Variants in LAMA5 observed in about 807,000 individuals in gnomAD.
LAMA5 encodes laminin subunit alpha-5.
In LAMA5, 260 loss-of-function variants were observed where a neutral mutation model predicts 433.4. The ratio of observed to expected loss-of-function variants is 0.60; its 90% CI spans 0.54 to 0.66. LAMA5 has a LOEUF of 0.66. Ranked by LOEUF, LAMA5 falls within the 30% of genes least tolerant of loss-of-function variation. The probability of loss-of-function intolerance (pLI) is 0.00; values close to 1 mark genes in which losing one functional copy is unlikely to be tolerated. For synonymous variants in LAMA5, 2,620 were observed against 2,226.6 expected, an observed-to-expected ratio of 1.18 and a Z score of -4.97; for missense variants, 5,378 against 5,258.5, an observed-to-expected ratio of 1.02 and a Z score of -0.70.
chr20:62,334,730 G>GTCAGGGT lies in LAMA5; in HGVS notation c.2483-110_2483-109insACCCTGA, dbSNP rs1555879627. 6.5e-6 allele frequency: 4 copies of GTCAGGGT among 611,038 alleles called. No homozygotes were observed. In the East Asian group the frequency reaches 8.4e-5, roughly 13 times the overall value. The allele number at this position is 611,038 out of a possible 1,614,324, so 37.9% of individuals were successfully genotyped here. ...CCTGGGGCTCTCTGGATGATGGAGA[G>GTCAGGGT]TCAGGGCTCAGGGCTCAGGGCTCAG... On this transcript the variant is annotated intron_variant, in intron 20 of 79. Coordinates refer to ENST00000252999, the MANE Select transcript of LAMA5 (RefSeq NM_005560.6).
intron 11 of LAMA5, among the ~76,000 whole-genome samples, chr20:62,343,692 C>G (rs1185945970): frequency 7.4e-6 from 1 of 135,582 alleles, no homozygotes; most frequent in Non-Finnish European, 1.5e-5. Context: ...AGGAGAATCA[C>G]TTGAACTCGG....
intron 10 of LAMA5, 30 bp downstream of exon 10, chr20:62,346,051 T>C: frequency 6.2e-7 from 1 of 1,610,856 alleles, no homozygotes; most frequent in East Asian, 2.2e-5. Flanking sequence ...GGCAGTGGTG[T>C]CTGTTTGGAT....
Position 62,317,401 on chromosome 20 carries a change from C to T in LAMA5, c.7455G>A (p.Val2485=), listed in dbSNP as rs1987063494. 2 of 1,609,986 alleles carry T rather than the reference C, an allele frequency of 1.2e-6. No homozygotes were observed. The highest frequency in any genetic ancestry group is 4.5e-5 in the East Asian group (2 of 44,814). The change falls in exon 55 of 80, where the codon GTG becomes GTA. Residue 2485 remains valine, a synonymous_variant. Transcript: ENST00000252999. The part of the protein sequence containing the change: ...FSPAGSKLRL[V]EAAEAHAQQL... ...GCTGTGCGTGGGCCTCGGCGGCCTC[C>T]ACTAGACGCAGCTTGCTGCCCGCCG...
In LAMA5 at chr20:62,347,028, C is replaced by T; in HGVS notation, c.957G>A (p.Arg319=). ...CDAKDPTDPF[R]LQCTCQHNTC... ...TGTTGTGCTGGCAGGTGCACTGCAG[C>T]CTGTGGGGTACACAGGAGGGGGGAT... The change falls in exon 7 of 80, where the codon AGG becomes AGA. Residue 319 remains arginine, a splice_region_variant and synonymous_variant. Coordinates refer to ENST00000252999, the MANE Select transcript of LAMA5 (RefSeq NM_005560.6). The T allele has an allele frequency of 6.2e-7, 1 of 1,610,056 alleles. No individual in the cohort carries two copies. Among genetic ancestry groups the T allele is most frequent in the Non-Finnish European group, 8.5e-7 (1 of 1,179,128 alleles).
rs1398723970 is a variant in LAMA5 at position 62,329,881 on chromosome 20, C to T, written c.4015G>A (p.Gly1339Ser). ...TCACACACCACCAGGGTGCGGCAGC[C>T]GTAGCCATGTGGACAGAAGCTGGCG... ...ANASFCPHGY[G>S]CRTLVVCEGQ... The change falls in exon 32 of 80, where the codon GGC (glycine) becomes AGC (serine). Residue 1339 changes from glycine (G) to serine (S), a missense_variant. Transcript: ENST00000252999. 4 of 1,611,972 alleles carry T rather than the reference C, an allele frequency of 2.5e-6. No homozygotes were observed. The highest frequency in any genetic ancestry group is 2.2e-5 in the South Asian group (2 of 91,024).
In LAMA5 at chr20:62,317,670, C is replaced by T; in HGVS notation, c.7348G>A (p.Ala2450Thr). ...CCAGGGGCTGCACTCACCTCCTTAG[C>T]CTGGTCCAGGCTGTGCAGCAATCTG... ...VFRLLHSLDQ[A>T]KEELERLAAS... is the part of the protein sequence containing the mutation. Residue 2450 changes from alanine (A) to threonine (T), a missense_variant, in exon 54 of 80, where the codon GCT (alanine) becomes ACT (threonine). By Grantham distance (58) the Ala-to-Thr change is moderately conservative. Transcript: ENST00000252999. The T allele has an allele frequency of 6.3e-7, 1 of 1,586,114 alleles. No homozygotes were observed. The highest frequency in any genetic ancestry group is 8.6e-7 in the Non-Finnish European group (1 of 1,167,204).
chr20:62,322,592 C>G (rs1242893071), intron 46 of LAMA5, 66 bp downstream of exon 46: 1 of 1,437,718 alleles, frequency 7.0e-7, no homozygotes, highest in African/African-American at 1.4e-5. Flanking sequence ...CTATCAGATT[C>G]TCCCCAGGCC....
chr20:62,351,840 C>G, intron 5 of LAMA5, 39 bp from the exon 6 acceptor site: 22 of 1,582,922 alleles, frequency 1.4e-5, no homozygotes, highest in Non-Finnish European at 1.9e-5. Context: ...GCGGCCAGGC[C>G]TCACTCACCC....
chr20:62,313,033 G>T, intron 65 of LAMA5, 23 bp from the exon 66 acceptor site: 1 of 1,593,882 alleles, frequency 6.3e-7, no homozygotes, highest in Non-Finnish European at 8.6e-7. Context: ...GGCAGGGTTA[G>T]TGTGGGGCAG....
chr20:62,348,321 T>C (rs1024417397), intron 6 of LAMA5, among the ~76,000 whole-genome samples: 5 of 152,100 alleles, frequency 3.3e-5, no homozygotes, highest in Admixed American at 6.6e-5. Context: ...ATCTAAAACA[T>C]AGGCCGGGCG....
Position 62,310,912 on chromosome 20 carries a change from C to A in LAMA5, c.10271G>T (p.Arg3424Leu), listed in dbSNP as rs767793690. The change falls in exon 74 of 80, where the codon CGC becomes CTC. Residue 3424 changes from arginine (R) to leucine (L), a missense_variant. Transcript: ENST00000252999. The stretch of plus-strand genomic sequence containing the variant: ...CTTCTCGGCCCTCACCTTGTGCCAG[C>A]GGCCAGGCCGGGAGCGCTGGCGGCT... ...AQSRQRSRPG[R>L]WHKVSVRWEK... is the part of the protein sequence containing the mutation. The A allele has an allele frequency of 3.7e-6, 6 of 1,610,096 alleles. No homozygotes were observed. The Admixed American group carries it at 8.4e-5, about 22-fold the overall frequency.
At chr20:62,364,392 C>A (rs111774423) in intron 1 of LAMA5, among the ~76,000 whole-genome samples, 1 of 152,148 alleles carries the variant, frequency 6.6e-6, no homozygotes, top group Non-Finnish European at 1.5e-5. Flanking sequence ...TGGAAGGTTG[C>A]GGGTCAAGGG....
In LAMA5 at chr20:62,317,784, G is replaced by A. The variant is rs199568504; in HGVS notation, c.7240-6C>T. On this transcript the variant is annotated splice_polypyrimidine_tract_variant and splice_region_variant and intron_variant, in intron 53 of 79. Transcript: ENST00000252999. ...GACAGCTCCTGCTTCCTTTGCTGAA[G>A]GCAATGCAGGGGAGTTGGGGACAAT... 5.1e-6 allele frequency: 8 copies of A among 1,576,212 alleles called. No individual in the cohort carries two copies. The Admixed American group carries it at 1.1e-4, about 21-fold the overall frequency.
At chr20:62,354,206 C>A (rs772178515) in intron 2 of LAMA5, among the ~76,000 whole-genome samples, 1 of 152,098 alleles carries the variant, frequency 6.6e-6, no homozygotes, top group Non-Finnish European at 1.5e-5. Flanking sequence ...CTCAGAGAAG[C>A]CTTCCCTGAC....
Position 62,313,794 on chromosome 20 carries a change from T to C in LAMA5, c.8513A>G (p.Gln2838Arg), listed in dbSNP as rs766291446. 3 of 1,612,030 alleles carry C rather than the reference T, an allele frequency of 1.9e-6. No homozygotes were observed. Among genetic ancestry groups the C allele is most frequent in the East Asian group, 2.2e-5 (1 of 44,840 alleles). ...CACTGTGACGGACATGTGGCCAAAC[T>C]GGAGAGTCCTGAGGGCAGAGGCGAG... is the stretch of plus-strand genomic sequence containing the variant. ...FAAVSLDRTL[Q>R]FGHMSVTVER... Residue 2838 changes from glutamine to arginine, a missense_variant, in exon 63 of 80, where the codon CAG (glutamine) becomes CGG (arginine). By Grantham distance (43) the Gln-to-Arg change is conservative (BLOSUM62 1). Transcript: ENST00000252999.
chr20:62,367,264 C>A lies in LAMA5; in HGVS notation c.-19G>T, dbSNP rs1986844991. 1.7e-6 allele frequency: 2 copies of A among 1,158,230 alleles called. No individual in the cohort carries two copies. 71.7% of individuals were successfully genotyped at this position (1,158,230 alleles called of 1,614,324 possible). A position where few individuals can be genotyped will look rare whatever the true frequency, so the allele number is the denominator to read the frequency against. On this transcript the variant is annotated 5_prime_UTR_variant, in exon 1 of 80. Transcript: ENST00000252999. Reference sequence around the variant, plus strand: ...TCGCCATCTTCCCGGCTCCGGGCCGCGTCCCCGAGCTCCAGGGACAGCGCG... The same window carrying A: ...TCGCCATCTTCCCGGCTCCGGGCCGAGTCCCCGAGCTCCAGGGACAGCGCG...
At position 62,310,263 on chromosome 20, in the gene LAMA5, C is replaced by T. The variant is rs139975482; in HGVS notation, c.10649G>A (p.Arg3550Gln). 4.1e-5 allele frequency: 66 copies of T among 1,611,828 alleles called. No homozygotes were observed. The highest frequency in any genetic ancestry group is 1.6e-4 in the African/African-American group (12 of 75,032). ...GATCAGTCCGGTGACTGCCAGGGGC[C>T]GCACCTCCAGTTCCAGGCCCACATC... ...LPDVGLELEV[R>Q]PLAVTGLIFH... Residue 3550 changes from arginine to glutamine, a missense_variant, in exon 77 of 80, where the codon CGG becomes CAG. Arg to Gln is a conservative substitution (Grantham distance 43). Transcript: ENST00000252999.
In LAMA5 at chr20:62,327,083, G is replaced by A. The variant is rs192221166; in HGVS notation, c.5113-117C>T. 996 of 1,089,944 alleles carry A rather than the reference G, an allele frequency of 9.1e-4. 1 individual carries two copies. Among genetic ancestry groups the A allele is most frequent in the Admixed American group, 1.3e-3 (53 of 39,738 alleles). The allele number at this position is 1,089,944 out of a possible 1,614,324, so 67.5% of individuals were successfully genotyped here. The stretch of plus-strand genomic sequence containing the variant: ...CCCTGTGCTGGGCCTGGATACTTGC[G>A]CTCATTCCCTACCGGGACAGGGCCT... On this transcript the variant is annotated intron_variant, in intron 38 of 79. Coordinates refer to ENST00000252999, the MANE Select transcript of LAMA5 (RefSeq NM_005560.6).
intron 31 of LAMA5, among the ~76,000 whole-genome samples, chr20:62,330,135 C>T (rs934688106): frequency 5.9e-5 from 9 of 152,252 alleles, no homozygotes; most frequent in South Asian, 2.1e-4. Flanking sequence ...CTCTAGGTAC[C>T]GGTCAACTCC....
Sources: allele counts gnomAD v4.1 joint callset (sites outside exome capture counted in the v4.1 genomes callset), GRCh38; gene constraint gnomAD v4.1.1; transcripts MANE v1.5; gene names NCBI Gene and HGNC (gene_info 2026-07-23, HGNC 2026-07-21).